Variants in AKT1 observed in about 807,000 individuals in gnomAD.
The protein encoded by AKT1 is RAC-alpha serine/threonine-protein kinase.
AKT1 carries 21 observed loss-of-function variants against 63.1 expected under a neutral mutation model. That is an observed-to-expected ratio of 0.33 (90% confidence interval 0.24 to 0.48). AKT1 has a LOEUF of 0.48. Among genes scored for constraint, AKT1 ranks in the 20% least tolerant of loss-of-function variants. AKT1 has a pLI of 0.99. For missense variants in AKT1, 382 were observed against 666.0 expected, an observed-to-expected ratio of 0.57 and a Z score of 4.69; for synonymous variants, 257 against 253.1, an observed-to-expected ratio of 1.02 and a Z score of -0.15.
chr14:104,795,505 G>A lies in AKT1; in HGVS notation c.-279C>T, dbSNP rs1177204194. Reference sequence around the variant, plus strand: ...TCACCGGGCCGCCGCGTCCGGGCGCGAGCGCGGGCCTAGCCGGGCCGCGGC... The same window carrying A: ...TCACCGGGCCGCCGCGTCCGGGCGCAAGCGCGGGCCTAGCCGGGCCGCGGC... On this transcript the variant is annotated 5_prime_UTR_variant, in exon 1 of 15. Coordinates refer to ENST00000649815, the MANE Select transcript of AKT1 (RefSeq NM_001382430.1). The surrounding 1 kb of genome is among the most constrained non-coding windows in gnomAD (Gnocchi z 5.1). The A allele has an allele frequency of 6.9e-6, 1 of 145,800 alleles. No individual in the cohort carries two copies. Among genetic ancestry groups the A allele is most frequent in the Non-Finnish European group, 1.5e-5 (1 of 65,628 alleles). 9.0% of individuals were successfully genotyped at this position (145,800 alleles called of 1,614,324 possible). A position where few individuals can be genotyped will look rare whatever the true frequency, so the allele number is the denominator to read the frequency against.
In AKT1 at chr14:104,773,580, G is replaced by A. The variant is rs770980034; in HGVS notation, c.703C>T (p.Leu235=). The A allele has an allele frequency of 3.7e-6, 6 of 1,603,048 alleles. No homozygotes were observed. The highest frequency in any genetic ancestry group is 5.1e-6 in the Non-Finnish European group (6 of 1,175,514). ...CGCTCCCGGGACAGGTGGAAGAACAGCTGCGGGAGGCGCAACCTGAGGCAC... is the reference window on the plus strand; with the variant it reads ...CGCTCCCGGGACAGGTGGAAGAACAACTGCGGGAGGCGCAACCTGAGGCAC... ...FVMEYANGGE[L]FFHLSRERVF... The change falls in exon 10 of 15, where the codon CTG becomes TTG. Residue 235 remains leucine (L), a splice_region_variant and synonymous_variant. Transcript: ENST00000649815.
At chr14:104,785,082 C>T (rs1214260265) in intron 3 of AKT1, among the ~76,000 whole-genome samples, 4 of 152,208 alleles carry the variant, frequency 2.6e-5, no homozygotes, top group Non-Finnish European at 5.9e-5. Context: ...CAGCTGACAG[C>T]GGCCACCGTG....
At chr14:104,784,068 A>G (rs1443055918) in intron 3 of AKT1, among the ~76,000 whole-genome samples, 1 of 151,764 alleles carries the variant, frequency 6.6e-6, no homozygotes, top group Non-Finnish European at 1.5e-5. Context: ...CTCCTGCCCC[A>G]TGGCCGGTTC....
intron 3 of AKT1, among the ~76,000 whole-genome samples, chr14:104,787,601 C>A (rs1302270622): frequency 6.6e-6 from 1 of 152,228 alleles, no homozygotes; most frequent in Non-Finnish European, 1.5e-5. Context: ...CTTCTAGGAA[C>A]CCGGCCTGAT....
At position 104,773,071 on chromosome 14, in the gene AKT1, C is replaced by A; in HGVS notation, c.979G>T (p.Gly327Cys). The A allele has an allele frequency of 6.2e-7, 1 of 1,614,104 alleles. No individual in the cohort carries two copies. The highest frequency in any genetic ancestry group is 8.5e-7 in the Non-Finnish European group (1 of 1,180,012). The change falls in exon 12 of 15, where the codon GGC becomes TGC. Residue 327 changes from glycine (G) to cysteine (C), a missense_variant. Coordinates refer to ENST00000649815, the MANE Select transcript of AKT1 (RefSeq NM_001382430.1). ...APEVLEDNDY[G>C]RAVDWWGLGV... ...AGCCCCCACCAGTCCACTGCACGGC[C>A]GTAGTCATTGTCCTCCAGCACCTGC...
intron 3 of AKT1, among the ~76,000 whole-genome samples, chr14:104,784,538 C>G (rs1893235513): frequency 6.6e-6 from 1 of 152,220 alleles, no homozygotes; most frequent in Non-Finnish European, 1.5e-5. Flanking sequence ...TCCCCAACCC[C>G]GCTCATCCCC....
chr14:104,774,753 C>T, intron 8 of AKT1, 185 bp downstream of exon 8: 4 of 665,682 alleles, frequency 6.0e-6, no homozygotes, highest in Non-Finnish European at 1.0e-5. Context: ...GCGAGCACAG[C>T]CCCTAGCCCA....
intron 3 of AKT1, among the ~76,000 whole-genome samples, chr14:104,784,034 G>A (rs1477441541): frequency 1.9e-5 from 2 of 106,426 alleles, no homozygotes; most frequent in African/African-American, 8.8e-5. Flanking sequence ...TGGGCAAGGG[G>A]GAAGCAGCAG....
intron 3 of AKT1, among the ~76,000 whole-genome samples, chr14:104,789,428 G>A (rs1027066249): frequency 2.6e-5 from 4 of 152,230 alleles, no homozygotes; most frequent in South Asian, 4.1e-4. Context: ...TGGGGCAAGC[G>A]GGCAAGGTGA....
intron 3 of AKT1, among the ~76,000 whole-genome samples, chr14:104,790,212 C>A (rs1893554465): frequency 6.6e-6 from 1 of 152,248 alleles, no homozygotes; most frequent in South Asian, 2.1e-4. Flanking sequence ...CGTGGGGAGT[C>A]CCGGCAAAGG....
chr14:104,770,883 C>A, intron 13 of AKT1, 36 bp from the exon 14 acceptor site: 1 of 1,584,036 alleles, frequency 6.3e-7, no homozygotes, highest in Non-Finnish European at 8.7e-7. Context: ...TCATGAGCTT[C>A]GCTCCCCACT....
At chr14:104,785,199 C>T (rs530194947) in intron 3 of AKT1, among the ~76,000 whole-genome samples, 2 of 152,146 alleles carry the variant, frequency 1.3e-5, no homozygotes, top group Admixed American at 6.5e-5. Context: ...ATGAGGGGCC[C>T]GCAACCCACC....
intron 3 of AKT1, among the ~76,000 whole-genome samples, chr14:104,780,712 C>T (rs1190784102): frequency 7.1e-5 from 10 of 140,160 alleles, no homozygotes; most frequent in South Asian, 2.1e-4. Flanking sequence ...CCAGCATGGC[C>T]GCCCCCCCCG....
intron 3 of AKT1, among the ~76,000 whole-genome samples, chr14:104,789,804 C>T (rs113564560): frequency 6.6e-6 from 1 of 152,178 alleles, no homozygotes; most frequent in Non-Finnish European, 1.5e-5. Context: ...CCTAAGCTCA[C>T]CCTCCAGGAA....
intron 3 of AKT1, among the ~76,000 whole-genome samples, chr14:104,791,199 A>C (rs1009438745): frequency 6.6e-6 from 1 of 152,154 alleles, no homozygotes; most frequent in Non-Finnish European, 1.5e-5. Context: ...AAGGATAAAG[A>C]AGCAGCGGCC....
At chr14:104,791,206 G>A (rs1022547562) in intron 3 of AKT1, among the ~76,000 whole-genome samples, 1 of 152,126 alleles carries the variant, frequency 6.6e-6, no homozygotes, top group African/African-American at 2.4e-5. Context: ...AAGAAGCAGC[G>A]GCCCCAGGCA....
At position 104,789,504 on chromosome 14, in the gene AKT1, C is replaced by A. The variant is rs57920648; in HGVS notation, c.46+3094G>T. On this transcript the variant is annotated intron_variant, in intron 3 of 14. Transcript: ENST00000649815. The stretch of plus-strand genomic sequence containing the variant: ...CCTCTGGCCAAAGCCTGGCACGGAG[C>A]TATCAAAGGAAGGAAAACTGCAGGC... 9.1e-3 allele frequency among the ~76,000 whole-genome samples: 1,390 copies of A among 152,374 alleles called. 17 individuals are homozygous for A. The highest frequency in any genetic ancestry group is 0.032 in the African/African-American group (1,328 of 41,586).
At chr14:104,775,853 C>A in intron 5 of AKT1, 54 bp from the exon 6 acceptor site, 4 of 1,575,968 alleles carry the variant, frequency 2.5e-6, no homozygotes, top group Non-Finnish European at 3.4e-6. Flanking sequence ...AGCTCCACCC[C>A]ACGTCTTTCA....
Position 104,769,568 on chromosome 14 carries a change from A to AGTGCTACC in AKT1, c.*765_*772dup, listed in dbSNP as rs1467279979. 3 of 534,316 alleles carry AGTGCTACC rather than the reference A, an allele frequency of 5.6e-6. No individual in the cohort carries two copies. The highest frequency in any genetic ancestry group is 7.3e-6 in the Non-Finnish European group (2 of 275,588). The allele number at this position is 534,316 out of a possible 1,614,324, so 33.1% of individuals were successfully genotyped here. ...GAAAGGTTAAGCGTCGAAAAGGTCA[A>AGTGCTACC]GTGCTACCGTGGAGAGATCATCTGA... On this transcript the variant is annotated 3_prime_UTR_variant, in exon 15 of 15. Transcript: ENST00000649815.
Sources: gnomAD v4.1 joint callset for allele counts (sites outside exome capture counted in the v4.1 genomes callset) on GRCh38, gnomAD v4.1.1 for gene constraint, Gnocchi (gnomAD v3.1) non-coding constraint, MANE v1.5 for transcripts, NCBI Gene and HGNC (gene_info 2026-07-23, HGNC 2026-07-21) for gene names.